The following RANBP2 variants were observed in gnomAD, a reference collection of about 807,000 sequenced individuals.
RANBP2 encodes RAN binding protein 2.
In RANBP2, 57 loss-of-function variants were observed where a neutral mutation model predicts 303.6. The observed-to-expected ratio is 0.19, with a 90% CI of 0.15 to 0.23. The LOEUF (loss-of-function observed/expected upper bound fraction) is 0.23, where lower values mean the gene tolerates loss of function less well. RANBP2 is among the 10% of genes least tolerant of loss of function. The probability of loss-of-function intolerance (pLI) is 1.00; values close to 1 mark genes in which losing one functional copy is unlikely to be tolerated. For missense variants in RANBP2, 3,138 were observed against 3,780.8 expected, an observed-to-expected ratio of 0.83 and a Z score of 4.46; for synonymous variants, 1,167 against 1,301.5, an observed-to-expected ratio of 0.90 and a Z score of 2.23.
At chr2:109,453,517 G>A in the RANBP2 span, among the ~76,000 whole-genome samples, 2 of 152,146 alleles carry the variant, frequency 1.3e-5, no homozygotes, top group Non-Finnish European at 2.9e-5. Flanking sequence ...CCAGGGGAGA[G>A]TCACCCAGAA....
the RANBP2 span, among the ~76,000 whole-genome samples, chr2:108,845,068 T>A: frequency 6.6e-6 from 1 of 152,054 alleles, no homozygotes; most frequent in African/African-American, 2.4e-5. Context: ...TCAAGTTTAT[T>A]TTTTCATTAT....
At chr2:109,352,839 G>A in the RANBP2 span, among the ~76,000 whole-genome samples, 3 of 152,312 alleles carry the variant, frequency 2.0e-5, no homozygotes, top group Middle Eastern at 3.4e-3. Context: ...GACCACCCTC[G>A]CCCAGCCCCT....
chr2:108,871,219 A>C, the RANBP2 span, among the ~76,000 whole-genome samples: 1 of 152,008 alleles, frequency 6.6e-6, no homozygotes, highest in Non-Finnish European at 1.5e-5. Context: ...AAAATGGATT[A>C]GAGTCATAAA....
At chr2:109,550,311 CT>C in the RANBP2 span, among the ~76,000 whole-genome samples, 255 of 142,982 alleles carry the variant, frequency 1.8e-3, no homozygotes, top group African/African-American at 3.6e-3. Flanking sequence ...AAAAAAGTAT[CT>C]TTTTTTTTTT....
the RANBP2 span, among the ~76,000 whole-genome samples, chr2:109,274,289 G>A: frequency 6.6e-6 from 1 of 152,132 alleles, no homozygotes; most frequent in Admixed American, 6.5e-5. Flanking sequence ...TCCTAGGTGT[G>A]TGCCCAAAAG....
chr2:108,855,487 T>TAA, the RANBP2 span, among the ~76,000 whole-genome samples: 20 of 137,540 alleles, frequency 1.5e-4, no homozygotes, highest in African/African-American at 4.5e-4. Flanking sequence ...GTGGTGTTGC[T>TAA]AAAAAAAAAA....
Position 108,751,508 on chromosome 2 carries a change from C to G in RANBP2, c.1456-20C>G, listed in dbSNP as rs758571370. 1 of 1,611,586 alleles carries G rather than the reference C, an allele frequency of 6.2e-7. No homozygotes were observed. Among genetic ancestry groups the G allele is most frequent in the African/African-American group, 1.3e-5 (1 of 74,828 alleles). On this transcript the variant is annotated intron_variant, in intron 10 of 28. Transcript: ENST00000283195. ...TTGTTTAATTTTTTTTCTAACTTAA[C>G]TTTTCCTTAAATAAAACAGGTATTT... is the stretch of plus-strand genomic sequence containing the variant.
At chr2:109,145,330 A>G in the RANBP2 span, among the ~76,000 whole-genome samples, 2 of 152,268 alleles carry the variant, frequency 1.3e-5, no homozygotes, top group African/African-American at 4.8e-5. Context: ...TCCGGACTTC[A>G]TGCCAGGTTT....
the RANBP2 span, among the ~76,000 whole-genome samples, chr2:109,240,428 C>T: frequency 6.6e-6 from 1 of 152,116 alleles, no homozygotes; most frequent in African/African-American, 2.4e-5. Context: ...GCGGAGCTTG[C>T]AGTGAGCCAA....
At chr2:108,757,755 A>T (rs550091716) in intron 17 of RANBP2, among the ~76,000 whole-genome samples, 1 of 152,166 alleles carries the variant, frequency 6.6e-6, no homozygotes, top group East Asian at 1.9e-4. Flanking sequence ...TAGTTTGTAG[A>T]TACTTGTTTT....
the RANBP2 span, chr2:108,805,046 T>C: frequency 1.8e-6 from 2 of 1,132,072 alleles, no homozygotes; most frequent in Non-Finnish European, 2.4e-6. Context: ...CATAAGACAT[T>C]CTAAGAAGTA....
At chr2:109,456,021 G>A in the RANBP2 span, among the ~76,000 whole-genome samples, 2 of 152,214 alleles carry the variant, frequency 1.3e-5, no homozygotes, top group Non-Finnish European at 2.9e-5. Flanking sequence ...TGCTCACGGA[G>A]CCCCTTGGCC....
the RANBP2 span, chr2:109,545,741 G>A: frequency 1.3e-5 from 18 of 1,428,526 alleles, no homozygotes; most frequent in Middle Eastern, 2.6e-4. Context: ...CCACGGCTGG[G>A]CTATTCAATA....
intron 1 of RANBP2, among the ~76,000 whole-genome samples, chr2:108,727,503 T>G (rs1253557239): frequency 6.6e-6 from 1 of 151,996 alleles, no homozygotes; most frequent in Non-Finnish European, 1.5e-5. Context: ...CTATTCATCG[T>G]TTTGGACATT....
chr2:109,058,316 A>AGGCATCCAAT, the RANBP2 span, among the ~76,000 whole-genome samples: 1 of 152,220 alleles, frequency 6.6e-6, no homozygotes, highest in Non-Finnish European at 1.5e-5. Flanking sequence ...CCTGGACTGG[A>AGGCATCCAAT]GGCATCCAAT....
At chr2:109,333,018 C>T in the RANBP2 span, among the ~76,000 whole-genome samples, 2 of 152,220 alleles carry the variant, frequency 1.3e-5, no homozygotes, top group African/African-American at 2.4e-5. Context: ...TATTCGTCTT[C>T]GGCAGCCTGG....
At chr2:109,513,047 C>T in the RANBP2 span, among the ~76,000 whole-genome samples, 11 of 152,300 alleles carry the variant, frequency 7.2e-5, no homozygotes, top group African/African-American at 9.6e-5. Context: ...GTGCAAGGCC[C>T]GAAGGAGCCA....
At chr2:109,615,140 G>A in the RANBP2 span, 3 of 1,549,656 alleles carry the variant, frequency 1.9e-6, no homozygotes, top group Middle Eastern at 3.4e-4. Context: ...CGCAGCTGAA[G>A]AGGAGCGTGT....
At chr2:108,779,761 A>G (rs1678117289) in intron 25 of RANBP2, among the ~76,000 whole-genome samples, 1 of 152,174 alleles carries the variant, frequency 6.6e-6, no homozygotes, top group Admixed American at 6.5e-5. Context: ...GAGTGAGACC[A>G]TCATTGTTCC....
Sources: gnomAD v4.1 joint callset for allele counts (sites outside exome capture counted in the v4.1 genomes callset) on GRCh38, gnomAD v4.1.1 for gene constraint, MANE v1.5 for transcripts, NCBI Gene and HGNC (gene_info 2026-07-23, HGNC 2026-07-21) for gene names.